Variants in PRKCB observed in about 807,000 individuals in gnomAD.
PRKCB encodes protein kinase C beta type.
In PRKCB, 13 loss-of-function variants were observed where a neutral mutation model predicts 81.5. The observed-to-expected ratio is 0.16, with a 90% CI of 0.10 to 0.25. The LOEUF (loss-of-function observed/expected upper bound fraction) is 0.25. Ranked by LOEUF, PRKCB falls within the 10% of genes least tolerant of loss-of-function variation. The pLI, the probability that PRKCB is intolerant of heterozygous loss-of-function variation, is 1.00. For missense variants in PRKCB, 509 were observed against 875.7 expected (o/e 0.58, Z 5.29); for synonymous variants, 335 against 321.4 (o/e 1.04, Z -0.45).
intron 3 of PRKCB, among the ~76,000 whole-genome samples, chr16:24,000,204 G>C (rs971410490): frequency 1.3e-5 from 2 of 152,158 alleles, no homozygotes; most frequent in Non-Finnish European, 2.9e-5. Context: ...TAACCCAAGA[G>C]GCCATAGCAG....
intron 9 of PRKCB, among the ~76,000 whole-genome samples, chr16:24,127,669 G>T (rs1966846909): frequency 6.6e-6 from 1 of 151,940 alleles, no homozygotes; most frequent in South Asian, 2.1e-4. Flanking sequence ...ATGAATCACT[G>T]GGGAGCAATG....
intron 2 of PRKCB, among the ~76,000 whole-genome samples, chr16:23,969,164 T>A (rs1310150868): frequency 2.0e-5 from 3 of 152,150 alleles, no homozygotes; most frequent in African/African-American, 7.2e-5. Context: ...GGTGAGACCC[T>A]GTCTCAAAAA....
Position 24,217,036 on chromosome 16 carries a change from T to C in PRKCB, c.*2220T>C. 1 of 983,744 alleles carries C rather than the reference T, an allele frequency of 1.0e-6. No homozygotes were observed. The highest frequency in any genetic ancestry group is 1.2e-6 in the Non-Finnish European group (1 of 829,752). The allele number at this position is 983,744 out of a possible 1,614,324, so 60.9% of individuals were successfully genotyped here. Reference sequence around the variant, plus strand: ...AAACCATGGAGAAACACTAGGCCATTGACAAATGATCTGAGACAACTTTAG... The same window carrying C: ...AAACCATGGAGAAACACTAGGCCATCGACAAATGATCTGAGACAACTTTAG... On this transcript the variant is annotated 3_prime_UTR_variant, in exon 17 of 17. Coordinates refer to ENST00000643927, the MANE Select transcript of PRKCB (RefSeq NM_002738.7).
chr16:23,981,647 C>G (rs146453195), intron 2 of PRKCB, among the ~76,000 whole-genome samples: 347 of 132,804 alleles, frequency 2.6e-3, no homozygotes, highest in African/African-American at 9.7e-3. Flanking sequence ...TTTCTTTTCT[C>G]CTTCCCTTCC....
intron 16 of PRKCB, among the ~76,000 whole-genome samples, chr16:24,204,051 C>T (rs533829437): frequency 3.3e-5 from 5 of 152,070 alleles, no homozygotes; most frequent in African/African-American, 1.2e-4. Context: ...GCAGAGCGTA[C>T]AGGACCTCTT....
At chr16:23,966,067 T>G (rs1964483089) in intron 2 of PRKCB, among the ~76,000 whole-genome samples, 1 of 152,272 alleles carries the variant, frequency 6.6e-6, no homozygotes, top group Non-Finnish European at 1.5e-5. Context: ...AGCTAGAGGC[T>G]GAGCAAAACT....
intron 2 of PRKCB, among the ~76,000 whole-genome samples, chr16:23,866,247 T>A (rs1248854365): frequency 6.6e-6 from 1 of 152,200 alleles, no homozygotes; most frequent in Non-Finnish European, 1.5e-5. Context: ...GAAACCTCAG[T>A]CATGGGGTAA....
At chr16:24,124,074 G>T in intron 9 of PRKCB, 93 bp downstream of exon 9, 1 of 1,421,468 alleles carries the variant, frequency 7.0e-7, no homozygotes, top group South Asian at 1.3e-5. Flanking sequence ...CGTCCTAGTG[G>T]GAGAGAGAGT....
chr16:23,983,983 A>G (rs1964770526), intron 2 of PRKCB, among the ~76,000 whole-genome samples: 3 of 152,238 alleles, frequency 2.0e-5, no homozygotes, highest in Admixed American at 1.3e-4. Context: ...TACTTTCCTA[A>G]ATATTTCTGG....
At chr16:23,982,074 C>T (rs111218400) in intron 2 of PRKCB, among the ~76,000 whole-genome samples, 3 of 72,786 alleles carry the variant, frequency 4.1e-5, no homozygotes, top group East Asian at 4.8e-4. Context: ...TTCTCTTTCC[C>T]TTCCCTTTCC....
intron 3 of PRKCB, among the ~76,000 whole-genome samples, chr16:24,023,447 C>T (rs1021949125): frequency 6.6e-6 from 1 of 152,200 alleles, no homozygotes; most frequent in African/African-American, 2.4e-5. Context: ...CGGCTCACTG[C>T]AAGCTCTGCC....
chr16:24,119,724 T>G (rs1966776534), intron 8 of PRKCB, among the ~76,000 whole-genome samples: 1 of 152,104 alleles, frequency 6.6e-6, no homozygotes. Context: ...GGCTCTTTTG[T>G]TTGCAGTTTC....
chr16:23,864,338 TC>T (rs1454842259), intron 2 of PRKCB, among the ~76,000 whole-genome samples: 1 of 152,142 alleles, frequency 6.6e-6, no homozygotes, highest in Non-Finnish European at 1.5e-5. Flanking sequence ...ACGCCTGCAA[TC>T]CCAGTCTTTT....
chr16:24,090,708 A>T (rs753438787), intron 5 of PRKCB, among the ~76,000 whole-genome samples: 1 of 152,190 alleles, frequency 6.6e-6, no homozygotes, highest in African/African-American at 2.4e-5. Context: ...AGAATAATAG[A>T]ACTAATGAAT....
chr16:24,043,754 G>A (rs746279500), intron 5 of PRKCB, among the ~76,000 whole-genome samples: 4 of 152,186 alleles, frequency 2.6e-5, no homozygotes, highest in African/African-American at 4.8e-5. Flanking sequence ...TGTGCTGGGC[G>A]CGGTCATTGC....
chr16:23,984,896 AG>A (rs1259975161), intron 2 of PRKCB, among the ~76,000 whole-genome samples: 1 of 152,208 alleles, frequency 6.6e-6, no homozygotes, highest in African/African-American at 2.4e-5. Context: ...GTTGAATAAA[AG>A]GGAAAGTTAA....
chr16:24,184,137 CA>C (rs1162914762), intron 13 of PRKCB, among the ~76,000 whole-genome samples: 5 of 152,144 alleles, frequency 3.3e-5, no homozygotes, highest in Non-Finnish European at 7.3e-5. Flanking sequence ...TGATTATGTT[CA>C]TATACAAATA....
chr16:24,087,683 G>C (rs1240623067), intron 5 of PRKCB, among the ~76,000 whole-genome samples: 2 of 152,150 alleles, frequency 1.3e-5, no homozygotes, highest in African/African-American at 4.8e-5. Context: ...ATTATTCTGA[G>C]TTTTCTGACA....
At chr16:23,884,199 T>C (rs982258259) in intron 2 of PRKCB, among the ~76,000 whole-genome samples, 7 of 152,174 alleles carry the variant, frequency 4.6e-5, no homozygotes, top group African/African-American at 1.7e-4. Context: ...TGCAAGCTTA[T>C]AGAATTAGGA....
Sources: allele counts gnomAD v4.1 joint callset (sites outside exome capture counted in the v4.1 genomes callset), GRCh38; gene constraint gnomAD v4.1.1; transcripts MANE v1.5; gene names NCBI Gene and HGNC (gene_info 2026-07-23, HGNC 2026-07-21).